IDH3G: variants seen among roughly 807,000 people sequenced by gnomAD.
The protein encoded by IDH3G is isocitrate dehydrogenase (NAD(+)) 3 non-catalytic subunit gamma.
In IDH3G, 9 loss-of-function variants were observed where a neutral mutation model predicts 26.9. The ratio of observed to expected loss-of-function variants is 0.34; its 90% CI spans 0.20 to 0.58. The LOEUF is 0.58. Among genes scored for constraint, IDH3G ranks in the 20% least tolerant of loss-of-function variants. The pLI is 0.85. For synonymous variants in IDH3G, 181 were observed against 160.0 expected, an observed-to-expected ratio of 1.13 and a Z score of -0.99; for missense variants, 250 against 372.8, an observed-to-expected ratio of 0.67 and a Z score of 2.71.
chrX:153,790,694 G>C (rs1410115914), intron 2 of IDH3G, 116 bp downstream of exon 2: 17 of 1,064,686 alleles, frequency 1.6e-5, no homozygotes, highest in Non-Finnish European at 2.1e-5. Flanking sequence ...CCCAGAAGAG[G>C]GGTGGGTAGC....
intron 1 of IDH3G, among the ~76,000 whole-genome samples, chrX:153,791,901 CT>C (rs1289789072): frequency 2.6e-4 from 29 of 112,504 alleles, no homozygotes; most frequent in African/African-American, 9.4e-4. Flanking sequence ...CTCAGCTGAT[CT>C]GTGTGGCACC....
intron 1 of IDH3G, among the ~76,000 whole-genome samples, chrX:153,793,086 G>A (rs1168085867): frequency 9.0e-6 from 1 of 111,305 alleles, no homozygotes; most frequent in Non-Finnish European, 1.9e-5. Context: ...CACCCAGGAC[G>A]GTCAGTCTCA....
intron 8 of IDH3G, 68 bp downstream of exon 8, chrX:153,787,396 T>G (rs1557069438): frequency 8.7e-7 from 1 of 1,154,850 alleles, no homozygotes; most frequent in Non-Finnish European, 1.2e-6. Flanking sequence ...CACAAATCCC[T>G]CAGAGCAGGC....
In IDH3G at chrX:153,786,279, G is replaced by A. The variant is rs2092087398; in HGVS notation, c.1020-7C>T. On this transcript the variant is annotated splice_region_variant and splice_polypyrimidine_tract_variant and intron_variant, in intron 11 of 12. Coordinates refer to ENST00000217901, the MANE Select transcript of IDH3G (RefSeq NM_004135.4). ...GGTGGCATAGGAGTGCAGCCTAGAG[G>A]ATGGGACAGCCAGCCTTCAGTCCCT... 1.7e-6 allele frequency: 2 copies of A among 1,203,623 alleles called. No homozygotes were observed. The highest frequency in any genetic ancestry group is 1.7e-5 in the African/African-American group (1 of 57,335).
chrX:153,786,480 G>A (rs1456498206), intron 10 of IDH3G, 31 bp from the exon 11 acceptor site: 1 of 1,056,582 alleles, frequency 9.5e-7, no homozygotes, highest in Non-Finnish European at 1.3e-6. Context: ...AGAGTGGGTG[G>A]AGGGCAGAAG....
At position 153,794,367 on chromosome X, in the gene IDH3G, A is replaced by G. The variant is rs782420468; in HGVS notation, c.-41T>C. 35 of 1,170,897 alleles carry G rather than the reference A, an allele frequency of 3.0e-5. No individual in the cohort carries two copies. The highest frequency in any genetic ancestry group is 1.6e-4 in the East Asian group (5 of 32,144). On this transcript the variant is annotated 5_prime_UTR_variant, in exon 1 of 13. Transcript: ENST00000217901. ...CCTCCGCACGTCCCGACACGCAGAT[A>G]CCGCTCTCGCGAGAGTTCGACGGGG...
rs138172556 is a variant in IDH3G, at chrX:153,786,423, G to A, written c.951C>T (p.Ile317=). 4.9e-5 allele frequency: 59 copies of A among 1,195,679 alleles called. No homozygotes were observed. The South Asian group carries it at 8.7e-4, about 18-fold the overall frequency. ...ETATRNTGKS[I]ANKNIANPTA... ...TGGGGTTGGCGATGTTCTTATTGGCGATACTCTTGCCGGTGTTCCTCGTAG... is the reference window on the plus strand; with the variant it reads ...TGGGGTTGGCGATGTTCTTATTGGCAATACTCTTGCCGGTGTTCCTCGTAG... The change falls in exon 11 of 13, where the codon ATC becomes ATT. Residue 317 remains isoleucine (I), a synonymous_variant. Coordinates refer to ENST00000217901, the MANE Select transcript of IDH3G (RefSeq NM_004135.4).
At chrX:153,790,350 GC>G in intron 3 of IDH3G, 58 bp from the exon 4 acceptor site, 1 of 1,015,497 alleles carries the variant, frequency 9.8e-7, no homozygotes, top group East Asian at 3.0e-5. Context: ...CCCCAGCTCG[GC>G]CCCCATGGGC....
intron 1 of IDH3G, 100 bp from the exon 2 acceptor site, chrX:153,790,951 CT>C: frequency 2.6e-6 from 2 of 765,067 alleles, no homozygotes; most frequent in African/African-American, 4.1e-5. Context: ...GGCAGGTCCC[CT>C]GTCTGTGCAG....
chrX:153,786,165 G>A (rs781971633), intron 12 of IDH3G, 47 bp downstream of exon 12: 5 of 1,204,379 alleles, frequency 4.2e-6, no homozygotes, highest in Non-Finnish European at 4.5e-6. Context: ...GAGGCTGCAG[G>A]GGGAGACTGG....
intron 5 of IDH3G, 84 bp from the exon 6 acceptor site, chrX:153,788,219 G>A: frequency 4.2e-6 from 4 of 943,131 alleles, no homozygotes; most frequent in Non-Finnish European, 6.0e-6. Context: ...GGGGTCAGAA[G>A]ACTTGGGGAG....
At position 153,794,346 on chromosome X, in the gene IDH3G, C is replaced by A; in HGVS notation, c.-20G>T. On this transcript the variant is annotated 5_prime_UTR_variant, in exon 1 of 13. Coordinates refer to ENST00000217901, the MANE Select transcript of IDH3G (RefSeq NM_004135.4). ...CGCCATGACGGAAAGTGAGAGCCTC[C>A]GCACGTCCCGACACGCAGATACCGC... 7 of 1,185,155 alleles carry A rather than the reference C, an allele frequency of 5.9e-6. No individual in the cohort carries two copies. The highest frequency in any genetic ancestry group is 1.8e-5 in the South Asian group (1 of 54,892).
At chrX:153,786,584 A>C (rs1237451041) in intron 10 of IDH3G, 135 bp from the exon 11 acceptor site, 10 of 611,196 alleles carry the variant, frequency 1.6e-5, no homozygotes, top group East Asian at 1.4e-4. Flanking sequence ...GGTTGGGGGA[A>C]GGTGTGGGGA....
At chrX:153,789,071 A>G (rs1177089251) in intron 5 of IDH3G, 1 of 337,135 alleles carries the variant, frequency 3.0e-6, no homozygotes, top group East Asian at 9.8e-5. Context: ...GGAACCCATC[A>G]GGGAGCCCGT....
chrX:153,786,623 C>A (rs949881639), intron 10 of IDH3G, among the ~76,000 whole-genome samples, 174 bp from the exon 11 acceptor site: 2 of 112,295 alleles, frequency 1.8e-5, no homozygotes, highest in Non-Finnish European at 3.8e-5. Context: ...AGGCTTTCCT[C>A]GTGGGGTGGT....
chrX:153,791,542 G>A (rs961169147), intron 1 of IDH3G, among the ~76,000 whole-genome samples: 3 of 112,719 alleles, frequency 2.7e-5, no homozygotes, highest in East Asian at 2.8e-4. Context: ...TGGAAATGCC[G>A]GACAGCTTCA....
rs782316122 is a variant in IDH3G at position 153,790,308 on chromosome X, G to A, written c.136-16C>T. On this transcript the variant is annotated splice_polypyrimidine_tract_variant and intron_variant, in intron 3 of 12. Coordinates refer to ENST00000217901, the MANE Select transcript of IDH3G (RefSeq NM_004135.4). ...CGGACGGAGGCTGTGGGAGGCAGAG[G>A]GTGAAGGTGGGCCTTCGGGGATCCC... 44 of 1,167,991 alleles carry A rather than the reference G, an allele frequency of 3.8e-5. No individual in the cohort carries two copies. The Middle Eastern group carries it at 7.0e-4, about 19-fold the overall frequency.
chrX:153,790,462 CA>C (rs2092105187), intron 3 of IDH3G, 101 bp downstream of exon 3: 1 of 994,435 alleles, frequency 1.0e-6, no homozygotes, highest in Admixed American at 2.4e-5. Flanking sequence ...GCTGCTCATC[CA>C]GGGCTCCTGG....
At chrX:153,790,431 G>A in intron 3 of IDH3G, 133 bp downstream of exon 3, 1 of 882,529 alleles carries the variant, frequency 1.1e-6, no homozygotes, top group Non-Finnish European at 1.6e-6. Context: ...GCCAACTTGG[G>A]GCAGCCCCGT....
Sources: gnomAD v4.1 joint callset for allele counts (sites outside exome capture counted in the v4.1 genomes callset) on GRCh38, gnomAD v4.1.1 for gene constraint, MANE v1.5 for transcripts, NCBI Gene and HGNC (gene_info 2026-07-23, HGNC 2026-07-21) for gene names.